SPON1: variants seen among roughly 807,000 people sequenced by gnomAD.
SPON1 encodes spondin 1.
In SPON1, 52 loss-of-function variants were observed where a neutral mutation model predicts 111.7. The ratio of observed to expected loss-of-function variants is 0.47; its 90% CI spans 0.37 to 0.59. The LOEUF is 0.59. SPON1 is among the 20% of genes least tolerant of loss of function. The probability of loss-of-function intolerance (pLI) is 0.00; values close to 1 mark genes in which losing one functional copy is unlikely to be tolerated. For synonymous variants in SPON1, 410 were observed against 395.8 expected (o/e 1.04, Z -0.43); for missense variants, 957 against 1,068.5 (o/e 0.90, Z 1.46).
chr11:14,153,287 C>T (rs1340328170), intron 6 of SPON1, among the ~76,000 whole-genome samples: 2 of 152,138 alleles, frequency 1.3e-5, no homozygotes, highest in Admixed American at 1.3e-4. Context: ...TAAAGAACTA[C>T]CTGAGACTTG....
At chr11:14,112,736 A>T (rs2133849652) in intron 5 of SPON1, among the ~76,000 whole-genome samples, 1 of 152,084 alleles carries the variant, frequency 6.6e-6, no homozygotes, top group East Asian at 1.9e-4. Context: ...TATCCAGCTG[A>T]CTCTGTCCTT....
chr11:14,074,310 T>C (rs1450138574), intron 3 of SPON1, among the ~76,000 whole-genome samples: 2 of 152,240 alleles, frequency 1.3e-5, no homozygotes, highest in Admixed American at 6.5e-5. Flanking sequence ...TGGAAAGTCA[T>C]CCTGGCCTAG....
intron 6 of SPON1, among the ~76,000 whole-genome samples, chr11:14,215,648 C>G (rs1848618847): frequency 6.6e-6 from 1 of 152,188 alleles, no homozygotes; most frequent in African/African-American, 2.4e-5. Flanking sequence ...TAACATAGAC[C>G]CCCATCTCCT....
intron 5 of SPON1, among the ~76,000 whole-genome samples, chr11:14,132,411 G>C (rs1554927608): frequency 6.6e-6 from 1 of 152,160 alleles, no homozygotes; most frequent in African/African-American, 2.4e-5. Flanking sequence ...TAGGTCCCAC[G>C]CTTGAGGTGC....
intron 6 of SPON1, among the ~76,000 whole-genome samples, chr11:14,147,229 T>G (rs1471399642): frequency 6.6e-6 from 1 of 151,670 alleles, no homozygotes; most frequent in Non-Finnish European, 1.5e-5. Flanking sequence ...AGACAGGGTT[T>G]CACCTTGTTG....
At chr11:14,000,720 T>C (rs1848310754) in intron 2 of SPON1, among the ~76,000 whole-genome samples, 1 of 152,008 alleles carries the variant, frequency 6.6e-6, no homozygotes. Context: ...AAGATACATG[T>C]GCATCACATG....
At chr11:14,056,330 CAAAG>C (rs1554919172) in intron 3 of SPON1, among the ~76,000 whole-genome samples, 1 of 152,134 alleles carries the variant, frequency 6.6e-6, no homozygotes. Context: ...TGCAATAAAA[CAAAG>C]ATCATCATGT....
chr11:13,990,046 T>C (rs1848215505), intron 2 of SPON1, among the ~76,000 whole-genome samples: 1 of 152,178 alleles, frequency 6.6e-6, no homozygotes, highest in African/African-American at 2.4e-5. Context: ...GAGACTTCTG[T>C]AGATGTCTGT....
At chr11:14,190,923 G>C (rs1321756958) in intron 6 of SPON1, among the ~76,000 whole-genome samples, 2 of 151,972 alleles carry the variant, frequency 1.3e-5, no homozygotes, top group African/African-American at 4.8e-5. Flanking sequence ...ACAGGCATGA[G>C]CCACCACGCC....
chr11:14,020,829 T>C (rs1848476398), intron 2 of SPON1, among the ~76,000 whole-genome samples: 1 of 152,198 alleles, frequency 6.6e-6, no homozygotes, highest in African/African-American at 2.4e-5. Flanking sequence ...TGACCTCAGC[T>C]CTCTGTGAAC....
At chr11:14,010,677 A>T (rs1848397144) in intron 2 of SPON1, among the ~76,000 whole-genome samples, 1 of 152,184 alleles carries the variant, frequency 6.6e-6, no homozygotes, top group South Asian at 2.1e-4. Context: ...TTCTCAATAG[A>T]TTGCCTGGCA....
intron 6 of SPON1, among the ~76,000 whole-genome samples, chr11:14,236,980 T>G (rs782756468): frequency 7.9e-5 from 12 of 152,214 alleles, no homozygotes; most frequent in Non-Finnish European, 1.6e-4. Flanking sequence ...AGAGCAGCAG[T>G]GCAGACCATG....
At chr11:13,991,896 G>A (rs1219217005) in intron 2 of SPON1, among the ~76,000 whole-genome samples, 21 of 152,172 alleles carry the variant, frequency 1.4e-4, no homozygotes, top group African/African-American at 4.8e-4. Flanking sequence ...GGAGACTGCA[G>A]AACACAAAGA....
chr11:14,243,256 G>A (rs782814936), intron 6 of SPON1, 76 bp from the exon 7 acceptor site: 1 of 1,363,232 alleles, frequency 7.3e-7, no homozygotes, highest in East Asian at 2.5e-5. Flanking sequence ...GGGGTGAATG[G>A]TGTCACCAGG....
At chr11:14,145,710 T>C (rs1322554076) in intron 6 of SPON1, among the ~76,000 whole-genome samples, 2 of 152,198 alleles carry the variant, frequency 1.3e-5, no homozygotes, top group African/African-American at 4.8e-5. Flanking sequence ...GAAATAGTCT[T>C]GTGCAAAAGT....
At chr11:14,178,507 C>T (rs1011026405) in intron 6 of SPON1, among the ~76,000 whole-genome samples, 1 of 151,966 alleles carries the variant, frequency 6.6e-6, no homozygotes, top group African/African-American at 2.4e-5. Flanking sequence ...TACCCTCACT[C>T]GCGAGATGAG....
intron 3 of SPON1, among the ~76,000 whole-genome samples, chr11:14,043,130 C>T (rs1731141380): frequency 6.6e-6 from 1 of 152,074 alleles, no homozygotes; most frequent in Non-Finnish European, 1.5e-5. Context: ...AACAAAGACC[C>T]CTGAAATGAG....
rs1263159076 is a variant in SPON1 at position 14,263,172 on chromosome 11, G to A, written c.2260+197G>A. Reference sequence around the variant, plus strand: ...ATATTGAGCAAGCATAATTTATAAAGGAGATTGGCGGTGGGGGTCATTTAT... The same window carrying A: ...ATATTGAGCAAGCATAATTTATAAAAGAGATTGGCGGTGGGGGTCATTTAT... On this transcript the variant is annotated intron_variant, in intron 15 of 15. Coordinates refer to ENST00000576479, the MANE Select transcript of SPON1 (RefSeq NM_006108.4). The A allele has an allele frequency of 5.1e-6, 3 of 584,146 alleles. No homozygotes were observed. The African/African-American group carries it at 5.6e-5, about 11-fold the overall frequency. 36.2% of individuals were successfully genotyped at this position (584,146 alleles called of 1,614,324 possible).
chr11:14,246,376 CTG>C lies in SPON1; in HGVS notation c.890+2981_890+2982del, dbSNP rs1223715664. ...AATGTCCATTTTACCAATGACCAAA[CTG>C]AGACTCAGAGGTCCTATGACAGCAA... On this transcript the variant is annotated intron_variant, in intron 7 of 15. Transcript: ENST00000576479. Among the ~76,000 whole-genome samples the C allele has an allele frequency of 2.6e-5, 4 of 152,294 alleles. No homozygotes were observed. In the East Asian group the frequency reaches 7.7e-4, roughly 29 times the overall value.
Sources: gnomAD v4.1 joint callset for allele counts (sites outside exome capture counted in the v4.1 genomes callset) on GRCh38, gnomAD v4.1.1 for gene constraint, MANE v1.5 for transcripts, NCBI Gene and HGNC (gene_info 2026-07-23, HGNC 2026-07-21) for gene names.